The following BNC1 variants were observed in gnomAD, a reference collection of about 807,000 sequenced individuals.
The protein encoded by BNC1 is zinc finger protein basonuclin-1.
In BNC1, 8 loss-of-function variants were observed where a neutral mutation model predicts 66.5. The ratio of observed to expected loss-of-function variants is 0.12; its 90% CI spans 0.07 to 0.22. The LOEUF (loss-of-function observed/expected upper bound fraction) is 0.22. BNC1 is among the 10% of genes least tolerant of loss of function. BNC1 has a pLI of 1.00. For missense variants in BNC1, 1,069 were observed against 1,241.3 expected, an observed-to-expected ratio of 0.86 and a Z score of 2.09; for synonymous variants, 454 against 452.6, an observed-to-expected ratio of 1.00 and a Z score of -0.04.
chr15:83,258,030 A>G lies in BNC1; in HGVS notation c.2397T>C (p.Asp799=). ...DHFRAAYLLK[D]VAKEAYQDVA... is the part of the protein sequence containing the mutation. ...CATCCTGATAGGCTTCCTTAGCCACATCTTTCAGAAGGTAAGCTGCACGGA... is the reference window on the plus strand; with the variant it reads ...CATCCTGATAGGCTTCCTTAGCCACGTCTTTCAGAAGGTAAGCTGCACGGA... The change falls in exon 5 of 5, where the codon GAT becomes GAC. Residue 799 remains aspartate (D), a synonymous_variant. Transcript: ENST00000345382. The G allele has an allele frequency of 6.2e-7, 1 of 1,614,054 alleles. No individual in the cohort carries two copies. The highest frequency in any genetic ancestry group is 8.5e-7 in the Non-Finnish European group (1 of 1,179,892).
At position 83,266,999 on chromosome 15, in the gene BNC1, AAC is replaced by A; in HGVS notation, c.270_271del (p.Phe91Ter). The stretch of plus-strand genomic sequence containing the variant: ...ATAGAGCATGAGGCTGCTAATATCA[AAC>A]ACTACATTGGACTGGACAATCTCCA... On this transcript the variant is annotated frameshift_variant, in exon 3 of 5. Coordinates refer to ENST00000345382, the MANE Select transcript of BNC1 (RefSeq NM_001717.4). LOFTEE classifies it high-confidence loss of function. 6.2e-7 allele frequency: 1 copy of A among 1,614,182 alleles called. No individual in the cohort carries two copies. The highest frequency in any genetic ancestry group is 8.5e-7 in the Non-Finnish European group (1 of 1,180,032).
intron 1 of BNC1, among the ~76,000 whole-genome samples, chr15:83,274,638 GA>G (rs2038301841): frequency 6.6e-6 from 1 of 152,182 alleles, no homozygotes; most frequent in South Asian, 2.1e-4. Context: ...GTACTGTGAG[GA>G]GAGAATTATT....
intron 1 of BNC1, chr15:83,283,571 C>T (rs2038407539): frequency 2.1e-6 from 2 of 935,124 alleles, no homozygotes; most frequent in African/African-American, 1.8e-5. Flanking sequence ...CCGGCGCTTC[C>T]CATGCAAACC....
chr15:83,268,220 T>A lies in BNC1; in HGVS notation c.112A>T (p.Thr38Ser). The A allele has an allele frequency of 6.2e-7, 1 of 1,613,962 alleles. No individual in the cohort carries two copies. Residue 38 changes from threonine to serine, a missense_variant, in exon 2 of 5, where the codon ACT becomes TCT. Coordinates refer to ENST00000345382, the MANE Select transcript of BNC1 (RefSeq NM_001717.4). The part of the protein sequence containing the change: ...GRRMAEAISC[T>S]LNCSCQSFKP... ...AAACTTTGGCAACTACAGTTCAGAG[T>A]ACAGCTGATAGCCTGAAAAAGAGGA...
intron 1 of BNC1, among the ~76,000 whole-genome samples, chr15:83,279,449 C>T (rs1309064149): frequency 6.6e-6 from 1 of 152,162 alleles, no homozygotes; most frequent in Non-Finnish European, 1.5e-5. Context: ...CAAGGTTGTA[C>T]AGAGAGGCCA....
chr15:83,277,261 T>A (rs1006762325), intron 1 of BNC1, among the ~76,000 whole-genome samples: 1 of 152,172 alleles, frequency 6.6e-6, no homozygotes, highest in East Asian at 1.9e-4. Context: ...AATGTTTTTA[T>A]AGAGACGGGG....
At chr15:83,259,096 C>T (rs1169056913) in intron 4 of BNC1, among the ~76,000 whole-genome samples, 2 of 152,194 alleles carry the variant, frequency 1.3e-5, no homozygotes, top group African/African-American at 2.4e-5. Context: ...AAGCATACCA[C>T]CAATCTTCCA....
chr15:83,273,049 T>G (rs1240161012), intron 1 of BNC1, among the ~76,000 whole-genome samples: 1 of 152,208 alleles, frequency 6.6e-6, no homozygotes, highest in Admixed American at 6.5e-5. Flanking sequence ...AATTTTAGCT[T>G]CAGTTTCGGG....
At position 83,263,265 on chromosome 15, in the gene BNC1, C is replaced by T; in HGVS notation, c.1986G>A (p.Met662Ile). The T allele has an allele frequency of 6.2e-7, 1 of 1,614,176 alleles. No homozygotes were observed. Among genetic ancestry groups the T allele is most frequent in the Non-Finnish European group, 8.5e-7 (1 of 1,180,028 alleles). The part of the protein sequence containing the change: ...GGHEHYFTPG[M>I]EPQVPFSDYM... ...AGTCAGAAAAAGGAACTTGGGGTTC[C>T]ATCCCAGGTGTGAAGTAGTGTTCAT... The change falls in exon 4 of 5, where the codon ATG becomes ATA. Residue 662 changes from methionine to isoleucine, a missense_variant. Coordinates refer to ENST00000345382, the MANE Select transcript of BNC1 (RefSeq NM_001717.4).
intron 3 of BNC1, 116 bp from the exon 4 acceptor site, chr15:83,264,931 T>C (rs1163741032): frequency 1.9e-6 from 2 of 1,077,494 alleles, no homozygotes; most frequent in East Asian, 5.0e-5. Context: ...AAAAGATGAA[T>C]GCAGGGCTTT....
rs745863143 is a variant in BNC1, at chr15:83,257,927, T to C, written c.2500A>G (p.Ile834Val). The C allele has an allele frequency of 1.1e-5, 18 of 1,614,092 alleles. No individual in the cohort carries two copies. In the East Asian group the frequency reaches 2.0e-4, roughly 18 times the overall value. ...TSRMGSLVYP[I>V]TQVHSASLES... ...AGGCTGGCACTGTGGACTTGCGTTATTGGGTAAACCAGACTGCCCATTCGA... is the reference window on the plus strand; with the variant it reads ...AGGCTGGCACTGTGGACTTGCGTTACTGGGTAAACCAGACTGCCCATTCGA... The change falls in exon 5 of 5, where the codon ATA becomes GTA. Residue 834 changes from isoleucine (I) to valine (V), a missense_variant. Around this residue, in one of 7 missense-constraint regions of BNC1, gnomAD observed 657 missense variants for 715.8 expected, o/e 0.92. Transcript: ENST00000345382.
In BNC1 at chr15:83,282,729, AT is replaced by A. The variant is rs538926270; in HGVS notation, c.99+1800del. Among the ~76,000 whole-genome samples the A allele has an allele frequency of 2.4e-4, 36 of 152,368 alleles. 1 individual carries two copies. In the East Asian group the frequency reaches 6.7e-3, roughly 29 times the overall value. On this transcript the variant is annotated intron_variant, in intron 1 of 4. Coordinates refer to ENST00000345382, the MANE Select transcript of BNC1 (RefSeq NM_001717.4). Reference sequence around the variant, plus strand: ...TTAAATAAACAGCGAATGAAAAAAAATCTGCCAAATGCTGTTTTTCAATTCA... The same window carrying A: ...TTAAATAAACAGCGAATGAAAAAAAACTGCCAAATGCTGTTTTTCAATTCA...
At chr15:83,261,060 A>T (rs933020855) in intron 4 of BNC1, among the ~76,000 whole-genome samples, 6 of 152,240 alleles carry the variant, frequency 3.9e-5, no homozygotes, top group African/African-American at 1.4e-4. Flanking sequence ...ATCAAATGAA[A>T]AAGTATCTTG....
Position 83,256,531 on chromosome 15 carries a change from G to A in BNC1, c.*911C>T, listed in dbSNP as rs2038075998. On this transcript the variant is annotated 3_prime_UTR_variant, in exon 5 of 5. Transcript: ENST00000345382. ...AACCACATTATCTACGGCAGAATAT[G>A]TACAAATGTTCCTGCCAAAATCATG... 6.6e-6 allele frequency: 1 copy of A among 152,408 alleles called. No individual in the cohort carries two copies. Among genetic ancestry groups the A allele is most frequent in the Non-Finnish European group, 1.5e-5 (1 of 68,030 alleles). 9.4% of individuals were successfully genotyped at this position (152,408 alleles called of 1,614,324 possible). A position where few individuals can be genotyped will look rare whatever the true frequency, so the allele number is the denominator to read the frequency against.
chr15:83,266,646 G>T (rs891175082), intron 3 of BNC1, among the ~76,000 whole-genome samples, 190 bp downstream of exon 3: 22 of 152,216 alleles, frequency 1.4e-4, no homozygotes, highest in African/African-American at 5.3e-4. Flanking sequence ...AGCTTCATAG[G>T]TATCTTGGAG....
At chr15:83,284,461 C>T in intron 1 of BNC1, 69 bp downstream of exon 1, 1 of 1,021,830 alleles carries the variant, frequency 9.8e-7, no homozygotes, top group South Asian at 3.0e-5. Flanking sequence ...AGCCGGAGCC[C>T]AGCGGCGTCC....
chr15:83,279,936 T>C (rs1210154776), intron 1 of BNC1, among the ~76,000 whole-genome samples: 1 of 152,218 alleles, frequency 6.6e-6, no homozygotes, highest in Non-Finnish European at 1.5e-5. Context: ...GTGACAGATA[T>C]TGATTGGGCT....
At position 83,263,276 on chromosome 15, in the gene BNC1, T is replaced by C; in HGVS notation, c.1975A>G (p.Thr659Ala). Residue 659 changes from threonine (T) to alanine (A), a missense_variant, in exon 4 of 5, where the codon ACA (threonine) becomes GCA (alanine). Coordinates refer to ENST00000345382, the MANE Select transcript of BNC1 (RefSeq NM_001717.4). The part of the protein sequence containing the change: ...VEDGGHEHYF[T>A]PGMEPQVPFS... The stretch of plus-strand genomic sequence containing the variant: ...GGAACTTGGGGTTCCATCCCAGGTG[T>C]GAAGTAGTGTTCATGGCCACCATCC... 1.2e-6 allele frequency: 2 copies of C among 1,614,196 alleles called. No individual in the cohort carries two copies. Among genetic ancestry groups the C allele is most frequent in the African/African-American group, 2.7e-5 (2 of 75,046 alleles).
chr15:83,262,272 C>G (rs1042978996), intron 4 of BNC1, among the ~76,000 whole-genome samples: 1 of 151,996 alleles, frequency 6.6e-6, no homozygotes, highest in Non-Finnish European at 1.5e-5. Flanking sequence ...AGGATGGTCT[C>G]GATCTCTTGA....
Sources: gnomAD v4.1 joint callset for allele counts (sites outside exome capture counted in the v4.1 genomes callset) on GRCh38, gnomAD v4.1.1 for gene constraint, gnomAD v4.1.1 regional missense constraint, MANE v1.5 for transcripts, NCBI Gene and HGNC (gene_info 2026-07-23, HGNC 2026-07-21) for gene names.